Variants in ZCCHC2 observed in about 807,000 individuals in gnomAD.
The protein encoded by ZCCHC2 is zinc finger CCHC domain-containing protein 2.
Under a neutral mutation model 103.6 loss-of-function variants are expected in ZCCHC2, and 39 were observed. The ratio of observed to expected loss-of-function variants is 0.38; its 90% CI spans 0.29 to 0.49. The LOEUF (loss-of-function observed/expected upper bound fraction) is 0.49. Among genes scored for constraint, ZCCHC2 ranks in the 20% least tolerant of loss-of-function variants. ZCCHC2 has a pLI of 0.96. For missense variants in ZCCHC2, 1,483 were observed against 1,491.0 expected (o/e 0.99, Z 0.09); for synonymous variants, 687 against 608.9 (o/e 1.13, Z -1.89).
intron 12 of ZCCHC2, among the ~76,000 whole-genome samples, chr18:62,573,197 T>G (rs1916658860): frequency 6.6e-6 from 1 of 152,206 alleles, no homozygotes; most frequent in Non-Finnish European, 1.5e-5. Flanking sequence ...GAAAGATTTT[T>G]AAATAGGCAC....
intron 12 of ZCCHC2, 48 bp downstream of exon 12, chr18:62,570,279 A>G (rs770708280): frequency 5.0e-6 from 8 of 1,593,300 alleles, no homozygotes; most frequent in Non-Finnish European, 4.3e-6. Flanking sequence ...GGGGTGGGGA[A>G]GTGGAGGGAA....
intron 1 of ZCCHC2, among the ~76,000 whole-genome samples, chr18:62,533,898 G>C (rs889047172): frequency 7.1e-6 from 1 of 141,694 alleles, no homozygotes; most frequent in Non-Finnish European, 1.5e-5. Context: ...AAAAGACTAA[G>C]TATATCAGGC....
In ZCCHC2 at chr18:62,574,522, G is replaced by A. The variant is rs749739995; in HGVS notation, c.2441G>A (p.Arg814Lys). Residue 814 changes from arginine (R) to lysine (K), a missense_variant, in exon 13 of 14, where the codon AGG becomes AAG. Transcript: ENST00000269499. The stretch of plus-strand genomic sequence containing the variant: ...CCCGCTTTGCATCTTACAGTTCAGA[G>A]GCTAAAGTTGCCACCACCACAGGGA... ...STPALHLTVQ[R>K]LKLPPPQGSS... 6.2e-6 allele frequency: 10 copies of A among 1,613,868 alleles called. No individual in the cohort carries two copies. The Admixed American group carries it at 1.5e-4, about 24-fold the overall frequency.
In ZCCHC2 at chr18:62,575,063, C is replaced by G; in HGVS notation, c.2982C>G (p.Asn994Lys). The G allele has an allele frequency of 6.2e-7, 1 of 1,614,032 alleles. No individual in the cohort carries two copies. The highest frequency in any genetic ancestry group is 8.5e-7 in the Non-Finnish European group (1 of 1,179,892). Reference sequence around the variant, plus strand: ...CCTCTTACATCAGTGCTGTGGGGAACACGAACGCTAATGGGACAGTAGTGC... The same window carrying G: ...CCTCTTACATCAGTGCTGTGGGGAAGACGAACGCTAATGGGACAGTAGTGC... Reference protein sequence around the residue: ...DSTSYISAVGNTNANGTVVPP... With the variant: ...DSTSYISAVGKTNANGTVVPP... Residue 994 changes from asparagine (N) to lysine (K), a missense_variant, in exon 13 of 14, where the codon AAC (asparagine) becomes AAG (lysine). Around this residue, in one of 3 missense-constraint regions of ZCCHC2, gnomAD observed 884 missense variants for 907.5 expected, o/e 0.97. Coordinates refer to ENST00000269499, the MANE Select transcript of ZCCHC2 (RefSeq NM_017742.6).
chr18:62,540,771 C>T (rs1016766062), intron 2 of ZCCHC2, among the ~76,000 whole-genome samples: 7 of 151,984 alleles, frequency 4.6e-5, no homozygotes, highest in African/African-American at 1.4e-4. Context: ...TTCTTGTATT[C>T]CTACTTCTTA....
At chr18:62,561,376 C>A (rs1313478160) in intron 8 of ZCCHC2, among the ~76,000 whole-genome samples, 1 of 152,244 alleles carries the variant, frequency 6.6e-6, no homozygotes, top group Non-Finnish European at 1.5e-5. Flanking sequence ...TCTCCACTCA[C>A]CTCCAGTTTC....
At chr18:62,538,066 A>G (rs752170558) in intron 1 of ZCCHC2, among the ~76,000 whole-genome samples, 4 of 152,154 alleles carry the variant, frequency 2.6e-5, no homozygotes, top group Non-Finnish European at 4.4e-5. Context: ...TTTGTGAACT[A>G]TATATGAGCA....
intron 3 of ZCCHC2, 128 bp downstream of exon 3, chr18:62,542,702 G>T (rs1915252450): frequency 2.5e-6 from 2 of 785,720 alleles, no homozygotes; most frequent in African/African-American, 1.8e-5. Context: ...AGAATGTACT[G>T]TTTTTTATCA....
At chr18:62,547,409 C>T (rs1915464381) in intron 4 of ZCCHC2, among the ~76,000 whole-genome samples, 1 of 151,788 alleles carries the variant, frequency 6.6e-6, no homozygotes, top group South Asian at 2.1e-4. Context: ...TCTGTAGACC[C>T]CATTGACCTG....
Position 62,523,895 on chromosome 18 carries a change from C to T in ZCCHC2, c.471C>T (p.Asp157=), listed in dbSNP as rs917963230. 6.5e-7 allele frequency: 1 copy of T among 1,539,780 alleles called. No individual in the cohort carries two copies. The highest frequency in any genetic ancestry group is 8.7e-7 in the Non-Finnish European group (1 of 1,145,010). ...DSEAKANGLS[D]PGPLADFREP... is the part of the protein sequence containing the mutation. ...AGGCCAAGGCCAACGGCCTCTCGGA[C>T]CCGGGGCCGCTGGCCGACTTCCGAG... is the stretch of plus-strand genomic sequence containing the variant. The change falls in exon 1 of 14, where the codon GAC becomes GAT. Residue 157 remains aspartate, a synonymous_variant. Coordinates refer to ENST00000269499, the MANE Select transcript of ZCCHC2 (RefSeq NM_017742.6).
chr18:62,576,484 T>C (rs1183836685), intron 13 of ZCCHC2, 28 bp from the exon 14 acceptor site: 1 of 1,598,124 alleles, frequency 6.3e-7, no homozygotes, highest in Non-Finnish European at 8.6e-7. Context: ...TTGTAAGCGG[T>C]GACTTAGTTC....
intron 12 of ZCCHC2, among the ~76,000 whole-genome samples, chr18:62,571,843 C>T (rs779047435): frequency 4.7e-5 from 7 of 149,994 alleles, no homozygotes; most frequent in East Asian, 1.9e-4. Context: ...TGTGGTATCA[C>T]GCTATGTCTT....
At position 62,523,376 on chromosome 18, in the gene ZCCHC2, G is replaced by GGGGGGGGGCGCC; in HGVS notation, c.-49_-48insGGGGGGGGCGCC. 3 of 1,012,354 alleles carry GGGGGGGGGCGCC rather than the reference G, an allele frequency of 3.0e-6. No individual in the cohort carries two copies. Among genetic ancestry groups the GGGGGGGGGCGCC allele is most frequent in the Non-Finnish European group, 2.4e-6 (2 of 848,990 alleles). The allele number at this position is 1,012,354 out of a possible 1,614,324, so 62.7% of individuals were successfully genotyped here. A position where few individuals can be genotyped will look rare whatever the true frequency, so the allele number is the denominator to read the frequency against. On this transcript the variant is annotated 5_prime_UTR_variant, in exon 1 of 14. Coordinates refer to ENST00000269499, the MANE Select transcript of ZCCHC2 (RefSeq NM_017742.6). ...GCCTCGGCCCGTGCTCCACCTCGCG[G>GGGGGGGGGCGCC]CCCCTCCCGCCCGCCCCCGCTCGCA...
intron 1 of ZCCHC2, among the ~76,000 whole-genome samples, chr18:62,528,234 C>T (rs1479605049): frequency 6.6e-6 from 1 of 152,214 alleles, no homozygotes; most frequent in African/African-American, 2.4e-5. Flanking sequence ...TATTTGAGTT[C>T]ATCATTTGAA....
chr18:62,524,496 C>A, intron 1 of ZCCHC2, 133 bp downstream of exon 1: 1 of 1,343,132 alleles, frequency 7.4e-7, no homozygotes, highest in Non-Finnish European at 9.7e-7. Context: ...CCCGGCAGCT[C>A]CCAGCGCCAG....
intron 8 of ZCCHC2, among the ~76,000 whole-genome samples, chr18:62,562,364 G>A (rs1598956543): frequency 6.6e-6 from 1 of 151,832 alleles, no homozygotes; most frequent in African/African-American, 2.4e-5. Context: ...GCTTTAATCT[G>A]TTTTCTTCCG....
intron 11 of ZCCHC2, among the ~76,000 whole-genome samples, chr18:62,569,430 A>G (rs1033157966): frequency 6.6e-6 from 1 of 152,138 alleles, no homozygotes; most frequent in African/African-American, 2.4e-5. Context: ...TGCTTGCTGT[A>G]AGGCAGAATT....
In ZCCHC2 at chr18:62,523,715, G is replaced by A. The variant is rs1442766034; in HGVS notation, c.291G>A (p.Arg97=). Residue 97 remains arginine (R), a synonymous_variant, in exon 1 of 14, where the codon CGG becomes CGA. Transcript: ENST00000269499. ...CGGCGGCGCTGCGCGAGCAGGAGCG[G>A]GTATACGAGTGGTTCGGGCTGGTGC... ...GPSAALREQE[R]VYEWFGLVLG... is the part of the protein sequence containing the mutation. 5.3e-6 allele frequency: 8 copies of A among 1,499,540 alleles called. No homozygotes were observed. The Admixed American group carries it at 1.5e-4, about 28-fold the overall frequency. 92.9% of individuals were successfully genotyped at this position (1,499,540 alleles called of 1,614,324 possible).
intron 5 of ZCCHC2, among the ~76,000 whole-genome samples, chr18:62,550,692 A>G (rs1029374233): frequency 2.0e-5 from 3 of 152,260 alleles, no homozygotes; most frequent in Non-Finnish European, 4.4e-5. Context: ...TGCTTCTGAA[A>G]TATGCAGATA....
Sources: allele counts gnomAD v4.1 joint callset (sites outside exome capture counted in the v4.1 genomes callset), GRCh38; gene constraint gnomAD v4.1.1; regional missense constraint gnomAD v4.1.1; transcripts MANE v1.5; gene names NCBI Gene and HGNC (gene_info 2026-07-23, HGNC 2026-07-21).